The following ARHGEF28 variants were observed in gnomAD, a reference collection of about 807,000 sequenced individuals.
The protein encoded by ARHGEF28 is Rho guanine nucleotide exchange factor 28.
ARHGEF28 carries 152 observed loss-of-function variants against 206.6 expected under a neutral mutation model. The observed-to-expected ratio is 0.74, with a 90% confidence interval of 0.64 to 0.84. The LOEUF (loss-of-function observed/expected upper bound fraction) is 0.84. Ranked by LOEUF, ARHGEF28 falls within the 40% of genes least tolerant of loss-of-function variation. The pLI is 0.00. For missense variants in ARHGEF28, 2,028 were observed against 2,073.2 expected, an observed-to-expected ratio of 0.98 and a Z score of 0.42; for synonymous variants, 763 against 776.4, an observed-to-expected ratio of 0.98 and a Z score of 0.29.
intron 2 of ARHGEF28, among the ~76,000 whole-genome samples, chr5:73,728,045 T>C (rs1750385191): frequency 6.6e-6 from 1 of 152,236 alleles, no homozygotes. Context: ...TTAACTTAAG[T>C]ACAGCATTTT....
At chr5:73,778,973 A>G (rs1753685393) in intron 6 of ARHGEF28, among the ~76,000 whole-genome samples, 1 of 152,208 alleles carries the variant, frequency 6.6e-6, no homozygotes, top group African/African-American at 2.4e-5. Flanking sequence ...CCAAGGGGAC[A>G]TGTTTAGTCT....
At chr5:73,807,791 A>G (rs2112512179) in intron 9 of ARHGEF28, among the ~76,000 whole-genome samples, 1 of 152,038 alleles carries the variant, frequency 6.6e-6, no homozygotes, top group East Asian at 1.9e-4. Context: ...TGGCTCAACA[A>G]TATAATTCTT....
intron 1 of ARHGEF28, among the ~76,000 whole-genome samples, chr5:73,676,279 A>G (rs915016685): frequency 1.3e-5 from 2 of 148,682 alleles, no homozygotes; most frequent in African/African-American, 2.5e-5. Context: ...CTTGTTGCCC[A>G]GGTTGGAGTG....
chr5:73,805,720 G>A (rs1755395976), intron 9 of ARHGEF28, among the ~76,000 whole-genome samples: 1 of 152,108 alleles, frequency 6.6e-6, no homozygotes, highest in East Asian at 1.9e-4. Context: ...CTCATGTTCA[G>A]TTAACATAGA....
intron 35 of ARHGEF28, among the ~76,000 whole-genome samples, chr5:73,916,561 CT>C (rs1321386097): frequency 6.6e-6 from 1 of 152,216 alleles, no homozygotes; most frequent in Admixed American, 6.5e-5. Flanking sequence ...GGTCTTCCCC[CT>C]GTGCCTGTCT....
chr5:73,886,511 A>T (rs1761308330), intron 25 of ARHGEF28, among the ~76,000 whole-genome samples: 1 of 152,042 alleles, frequency 6.6e-6, no homozygotes, highest in African/African-American at 2.4e-5. Context: ...AAATAAAAAG[A>T]ACTCTGAATG....
intron 9 of ARHGEF28, among the ~76,000 whole-genome samples, chr5:73,811,769 G>T (rs574726878): frequency 6.6e-6 from 1 of 152,258 alleles, no homozygotes; most frequent in African/African-American, 2.4e-5. Flanking sequence ...GATCACGTGA[G>T]GTCAGGAGTT....
At chr5:73,728,231 C>T (rs1750399508) in intron 2 of ARHGEF28, among the ~76,000 whole-genome samples, 1 of 152,178 alleles carries the variant, frequency 6.6e-6, no homozygotes, top group African/African-American at 2.4e-5. Context: ...TAGAGCATTG[C>T]TTGTCTTGTG....
chr5:73,883,642 T>C (rs977374121), intron 23 of ARHGEF28, 125 bp from the exon 24 acceptor site: 5 of 512,762 alleles, frequency 9.8e-6, no homozygotes, highest in African/African-American at 4.0e-5. Flanking sequence ...ATCGTTTTAA[T>C]TGATAGCAAT....
At chr5:73,664,332 A>G (rs1328818056) in intron 1 of ARHGEF28, among the ~76,000 whole-genome samples, 2 of 152,154 alleles carry the variant, frequency 1.3e-5, no homozygotes, top group African/African-American at 4.8e-5. Context: ...GGATTTTGTC[A>G]TATACACCCC....
chr5:73,845,986 CAAAA>C (rs57600570), intron 11 of ARHGEF28, among the ~76,000 whole-genome samples: 9,269 of 64,046 alleles, frequency 0.14, 1,078 homozygotes, highest in African/African-American at 0.31. Context: ...AAAACTGTCT[CAAAA>C]AAAAAAAAAA....
chr5:73,693,616 A>C (rs1157242764), intron 2 of ARHGEF28, among the ~76,000 whole-genome samples: 2 of 152,230 alleles, frequency 1.3e-5, no homozygotes, highest in Non-Finnish European at 2.9e-5. Flanking sequence ...GCCTGAATGC[A>C]ACTTCTAGAT....
intron 35 of ARHGEF28, among the ~76,000 whole-genome samples, chr5:73,922,549 A>G (rs1763575124): frequency 6.6e-6 from 1 of 152,218 alleles, no homozygotes; most frequent in Admixed American, 6.5e-5. Context: ...CTGTTTAACT[A>G]TGATGGATTT....
intron 2 of ARHGEF28, among the ~76,000 whole-genome samples, chr5:73,685,655 A>G (rs909105021): frequency 2.0e-5 from 3 of 151,886 alleles, no homozygotes; most frequent in African/African-American, 7.3e-5. Flanking sequence ...ATGGAGTCTT[A>G]CTCTGTCACC....
At chr5:73,718,851 C>T (rs886763923) in intron 2 of ARHGEF28, among the ~76,000 whole-genome samples, 4 of 152,184 alleles carry the variant, frequency 2.6e-5, no homozygotes, top group African/African-American at 9.7e-5. Context: ...CCATCCACAC[C>T]GCACTAGAAC....
At chr5:73,772,585 A>T (rs1022128989) in intron 4 of ARHGEF28, among the ~76,000 whole-genome samples, 1 of 151,918 alleles carries the variant, frequency 6.6e-6, no homozygotes. Flanking sequence ...TACCACATTC[A>T]CCAGGCTGGT....
At position 73,868,088 on chromosome 5, in the gene ARHGEF28, C is replaced by T. The variant is rs201854060; in HGVS notation, c.2298-12C>T. The T allele has an allele frequency of 2.1e-5, 34 of 1,612,596 alleles. No individual in the cohort carries two copies. Among genetic ancestry groups the T allele is most frequent in the Admixed American group, 1.7e-5 (1 of 59,850 alleles). Reference sequence around the variant, plus strand: ...TTCTGGGGCTAACTTTGCTCCCCTCCCTCTCTCCTAGCTTCAGGAGGTCAG... The same window carrying T: ...TTCTGGGGCTAACTTTGCTCCCCTCTCTCTCTCCTAGCTTCAGGAGGTCAG... On this transcript the variant is annotated splice_polypyrimidine_tract_variant and intron_variant, in intron 19 of 35. Transcript: ENST00000513042.
chr5:73,758,269 T>A (rs2112415959), intron 4 of ARHGEF28, among the ~76,000 whole-genome samples: 1 of 152,270 alleles, frequency 6.6e-6, no homozygotes, highest in Non-Finnish European at 1.5e-5. Flanking sequence ...AAGAGAAAAA[T>A]AAAGCCCAGT....
intron 2 of ARHGEF28, among the ~76,000 whole-genome samples, chr5:73,701,774 T>C (rs1748619674): frequency 6.6e-6 from 1 of 152,182 alleles, no homozygotes; most frequent in African/African-American, 2.4e-5. Context: ...AACAACCAGT[T>C]GTTGTGCGTA....
Sources: allele counts gnomAD v4.1 joint callset (sites outside exome capture counted in the v4.1 genomes callset), GRCh38; gene constraint gnomAD v4.1.1; transcripts MANE v1.5; gene names NCBI Gene and HGNC (gene_info 2026-07-23, HGNC 2026-07-21).